Variants in FLI1 observed in about 807,000 individuals in gnomAD.
FLI1 encodes Friend leukemia integration 1 transcription factor.
Under a neutral mutation model 53.1 loss-of-function variants are expected in FLI1, and 13 were observed. That is an observed-to-expected ratio of 0.24 (90% CI 0.16 to 0.39). The LOEUF (loss-of-function observed/expected upper bound fraction) is 0.39, where lower values mean the gene tolerates loss of function less well. FLI1 is among the 10% of genes least tolerant of loss of function. The probability of loss-of-function intolerance (pLI) is 1.00; values close to 1 mark genes in which losing one functional copy is unlikely to be tolerated. For synonymous variants in FLI1, 244 were observed against 236.7 expected, an observed-to-expected ratio of 1.03 and a Z score of -0.28; for missense variants, 424 against 600.5, an observed-to-expected ratio of 0.71 and a Z score of 3.07.
At chr11:128,706,943 T>A (rs555736860) in intron 1 of FLI1, among the ~76,000 whole-genome samples, 1 of 152,284 alleles carries the variant, frequency 6.6e-6, no homozygotes, top group South Asian at 2.1e-4. Context: ...TTCATAATGA[T>A]TTTTCCTAAC....
chr11:128,706,493 C>G (rs963769051), intron 1 of FLI1, among the ~76,000 whole-genome samples: 1 of 152,088 alleles, frequency 6.6e-6, no homozygotes, highest in Non-Finnish European at 1.5e-5. Context: ...TAGGATAGCC[C>G]CCTCCCCAGT....
intron 4 of FLI1, among the ~76,000 whole-genome samples, chr11:128,775,573 T>C (rs1941705164): frequency 6.6e-6 from 1 of 152,226 alleles, no homozygotes; most frequent in Admixed American, 6.5e-5. Flanking sequence ...CGATCGTGTC[T>C]GCTCTGTTTC....
chr11:128,685,180 C>G (rs1002131968), upstream of FLI1, among the ~76,000 whole-genome samples: 3 of 152,234 alleles, frequency 2.0e-5, no homozygotes, highest in Non-Finnish European at 4.4e-5. Flanking sequence ...CCCCAGGATG[C>G]GCCTGAGCTG....
chr11:128,763,655 G>A (rs1468211912), intron 2 of FLI1, among the ~76,000 whole-genome samples: 8 of 152,214 alleles, frequency 5.3e-5, no homozygotes, highest in Non-Finnish European at 1.0e-4. Context: ...ATCAGCTCCT[G>A]TTCCCTGGAA....
At chr11:128,775,993 T>C (rs576089322) in intron 4 of FLI1, among the ~76,000 whole-genome samples, 1 of 152,332 alleles carries the variant, frequency 6.6e-6, no homozygotes, top group Admixed American at 6.5e-5. Context: ...CTTTCTGGGC[T>C]TTATAGAAAG....
At position 128,811,062 on chromosome 11, in the gene FLI1, C is replaced by A; in HGVS notation, c.*74C>A. The A allele has an allele frequency of 1.4e-6, 2 of 1,391,658 alleles. No homozygotes were observed. Among genetic ancestry groups the A allele is most frequent in the South Asian group, 1.2e-5 (1 of 84,514 alleles). 86.2% of individuals were successfully genotyped at this position (1,391,658 alleles called of 1,614,324 possible). A position where few individuals can be genotyped will look rare whatever the true frequency, so the allele number is the denominator to read the frequency against. On this transcript the variant is annotated 3_prime_UTR_variant, in exon 9 of 9. Transcript: ENST00000527786. Reference sequence around the variant, plus strand: ...ACTGGATGCTTTGGACTCAACAGGACATATGTGGCCTTGAAGGGAAGACAA... The same window carrying A: ...ACTGGATGCTTTGGACTCAACAGGAAATATGTGGCCTTGAAGGGAAGACAA...
Position 128,758,270 on chromosome 11 carries a change from C to T in FLI1, c.174C>T (p.Ile58=). 1 of 1,613,698 alleles carries T rather than the reference C, an allele frequency of 6.2e-7. No homozygotes were observed. The highest frequency in any genetic ancestry group is 8.5e-7 in the Non-Finnish European group (1 of 1,179,760). ...INPLPPQQEW[I]NQPVRVNVKR... is the part of the protein sequence containing the mutation. ...CCCTCCCACCACAGCAGGAGTGGAT[C>T]AATCAGCCAGTGAGGGTCAACGTCA... The change falls in exon 2 of 9, where the codon ATC becomes ATT. Residue 58 remains isoleucine (I), a synonymous_variant. Transcript: ENST00000527786.
intron 7 of FLI1, among the ~76,000 whole-genome samples, chr11:128,808,398 G>A (rs1263261467): frequency 2.6e-5 from 4 of 152,178 alleles, no homozygotes; most frequent in Non-Finnish European, 5.9e-5. Flanking sequence ...CAAAAAAGGA[G>A]ATAAACCTCT....
At chr11:128,786,661 C>T (rs538748522) in intron 5 of FLI1, among the ~76,000 whole-genome samples, 1 of 152,174 alleles carries the variant, frequency 6.6e-6, no homozygotes, top group East Asian at 1.9e-4. Context: ...CAGGTCAGAG[C>T]TTCCCTTTGT....
At chr11:128,710,143 G>T (rs1401447279) in intron 1 of FLI1, among the ~76,000 whole-genome samples, 1 of 152,134 alleles carries the variant, frequency 6.6e-6, no homozygotes, top group Non-Finnish European at 1.5e-5. Flanking sequence ...TCATATTGCT[G>T]TCTTTCACGG....
intron 5 of FLI1, among the ~76,000 whole-genome samples, chr11:128,790,386 T>C (rs182959139): frequency 2.0e-5 from 3 of 151,794 alleles, no homozygotes; most frequent in Admixed American, 1.3e-4. Flanking sequence ...CAAAGACTCG[T>C]TGTCTCTAAG....
chr11:128,808,305 T>C (rs1445269969), intron 7 of FLI1, among the ~76,000 whole-genome samples: 1 of 152,124 alleles, frequency 6.6e-6, no homozygotes, highest in Non-Finnish European at 1.5e-5. Flanking sequence ...GCAATTATAG[T>C]TGAAAAATAG....
At chr11:128,758,892 A>G (rs539937429) in intron 2 of FLI1, among the ~76,000 whole-genome samples, 15 of 152,300 alleles carry the variant, frequency 9.8e-5, no homozygotes, top group Non-Finnish European at 1.9e-4. Context: ...TGGAGACAGG[A>G]GGGTCCAGGG....
chr11:128,756,136 A>G (rs1282999725), intron 1 of FLI1, among the ~76,000 whole-genome samples: 1 of 152,242 alleles, frequency 6.6e-6, no homozygotes, highest in East Asian at 1.9e-4. Context: ...TACATTTTCA[A>G]GTAAAGGTGG....
intron 4 of FLI1, among the ~76,000 whole-genome samples, chr11:128,774,828 GA>G (rs1941683868): frequency 1.3e-5 from 2 of 152,236 alleles, no homozygotes; most frequent in South Asian, 4.1e-4. Context: ...TCCTGCCACC[GA>G]ACAATGGGAA....
At chr11:128,766,591 T>A (rs192647354) in intron 2 of FLI1, among the ~76,000 whole-genome samples, 34 of 152,182 alleles carry the variant, frequency 2.2e-4, no homozygotes, top group African/African-American at 8.2e-4. Context: ...ATTTTCTTTA[T>A]TGAATGTGCT....
chr11:128,745,846 C>A (rs1385330319), intron 1 of FLI1, among the ~76,000 whole-genome samples: 1 of 152,190 alleles, frequency 6.6e-6, no homozygotes, highest in Non-Finnish European at 1.5e-5. Flanking sequence ...GTGAAGCCCC[C>A]CCATATGCAT....
chr11:128,813,216 A>G lies in FLI1; in HGVS notation c.*2228A>G, dbSNP rs1942971806. On this transcript the variant is annotated 3_prime_UTR_variant, in exon 9 of 9. Coordinates refer to ENST00000527786, the MANE Select transcript of FLI1 (RefSeq NM_002017.5). Reference sequence around the variant, plus strand: ...TTCTTCATATTAGAAAACAAATACAAAATAGAACATTTTAAATGGTGATAT... The same window carrying G: ...TTCTTCATATTAGAAAACAAATACAGAATAGAACATTTTAAATGGTGATAT... 2 of 153,548 alleles carry G rather than the reference A, an allele frequency of 1.3e-5. 1 individual carries two copies. The highest frequency in any genetic ancestry group is 4.5e-4 in the South Asian group (2 of 4,480). The allele number at this position is 153,548 out of a possible 1,614,324, so 9.5% of individuals were successfully genotyped here. A position where few individuals can be genotyped will look rare whatever the true frequency, so the allele number is the denominator to read the frequency against.
In FLI1 at chr11:128,764,720, C is replaced by T. The variant is rs759881067; in HGVS notation, c.231-3398C>T. Reference sequence around the variant, plus strand: ...ACCTGTACCCACCCTGAGCGGCAGCCGTGGAGCCCCATGGCCGCACGCAGG... The same window carrying T: ...ACCTGTACCCACCCTGAGCGGCAGCTGTGGAGCCCCATGGCCGCACGCAGG... On this transcript the variant is annotated intron_variant, in intron 2 of 8. Coordinates refer to ENST00000527786, the MANE Select transcript of FLI1 (RefSeq NM_002017.5). 7.4e-5 allele frequency: 116 copies of T among 1,561,830 alleles called. 1 individual carries two copies. The Admixed American group carries it at 8.0e-4, about 11-fold the overall frequency.
Sources: allele counts gnomAD v4.1 joint callset (sites outside exome capture counted in the v4.1 genomes callset), GRCh38; gene constraint gnomAD v4.1.1; transcripts MANE v1.5; gene names NCBI Gene and HGNC (gene_info 2026-07-23, HGNC 2026-07-21).